DLGAP1: variants seen among roughly 807,000 people sequenced by gnomAD.
DLGAP1 encodes the protein DLG associated protein 1, also known as disks large-associated protein 1.
A neutral mutation model predicts 90.8 loss-of-function variants in DLGAP1; 11 were observed. That is an observed-to-expected ratio of 0.12 (90% CI 0.08 to 0.20). The LOEUF (loss-of-function observed/expected upper bound fraction) is 0.20. DLGAP1 is among the 10% of genes least tolerant of loss of function. The probability of loss-of-function intolerance (pLI) is 1.00; values close to 1 mark genes in which losing one functional copy is unlikely to be tolerated. For synonymous variants in DLGAP1, 558 were observed against 540.7 expected, an observed-to-expected ratio of 1.03 and a Z score of -0.44; for missense variants, 1,050 against 1,333.8, an observed-to-expected ratio of 0.79 and a Z score of 3.31.
At position 3,535,580 on chromosome 18, in the gene DLGAP1, C is replaced by T. The variant is rs553496758; in HGVS notation, c.2058-965G>A. Among the ~76,000 whole-genome samples the T allele has an allele frequency of 4.6e-5, 7 of 151,900 alleles. No homozygotes were observed. In the South Asian group the frequency reaches 1.0e-3, roughly 23 times the overall value. The stretch of plus-strand genomic sequence containing the variant: ...AACATTAGTCGGGCGTGGTGGTGGG[C>T]ACCTGTGGTCCCAGCTACTTGGGAG... On this transcript the variant is annotated intron_variant, in intron 9 of 12. Transcript: ENST00000315677.
At chr18:3,524,948 T>C (rs1283719429) in intron 10 of DLGAP1, among the ~76,000 whole-genome samples, 1 of 152,212 alleles carries the variant, frequency 6.6e-6, no homozygotes, top group Non-Finnish European at 1.5e-5. Flanking sequence ...TGACTGGCAG[T>C]TGCTGATCTG....
intron 1 of DLGAP1, among the ~76,000 whole-genome samples, chr18:4,188,299 G>A (rs1237248603): frequency 2.0e-5 from 3 of 151,940 alleles, no homozygotes; most frequent in African/African-American, 7.3e-5. Context: ...AATATGTTAG[G>A]CAATATTATT....
At chr18:4,369,296 C>CGT (rs35537864) in intron 1 of DLGAP1, among the ~76,000 whole-genome samples, 47 of 151,722 alleles carry the variant, frequency 3.1e-4, no homozygotes, top group African/African-American at 1.1e-3. Flanking sequence ...TATGAGTGTG[C>CGT]GTGTGTGTGT....
chr18:3,753,160 A>T (rs1039136861), intron 5 of DLGAP1, among the ~76,000 whole-genome samples: 1 of 152,186 alleles, frequency 6.6e-6, no homozygotes, highest in Non-Finnish European at 1.5e-5. Context: ...TAAGTAACCA[A>T]AGGCAGGGAA....
chr18:4,360,785 C>T lies in DLGAP1; in HGVS notation c.-267+94221G>A, dbSNP rs113453272. Among the ~76,000 whole-genome samples, 1,113 of 152,202 alleles carry T rather than the reference C, an allele frequency of 7.3e-3. 14 individuals carry two copies. The highest frequency in any genetic ancestry group is 0.025 in the African/African-American group (1,057 of 41,546). On this transcript the variant is annotated intron_variant, in intron 1 of 12. Coordinates refer to ENST00000315677, the MANE Select transcript of DLGAP1 (RefSeq NM_004746.4). ...CCTAAGGTCAGGAGTTCGAGACCAG[C>T]CTAGCCAACATGGCAAAACCCTGTC...
chr18:4,322,710 C>T (rs2080721655), intron 1 of DLGAP1, among the ~76,000 whole-genome samples: 1 of 151,912 alleles, frequency 6.6e-6, no homozygotes, highest in African/African-American at 2.4e-5. Context: ...GCGTGTAATC[C>T]CAGCACTTTG....
At chr18:4,366,580 G>GA (rs530741949) in intron 1 of DLGAP1, among the ~76,000 whole-genome samples, 251 of 144,648 alleles carry the variant, frequency 1.7e-3, no homozygotes, top group Non-Finnish European at 2.8e-3. Flanking sequence ...GGAATATTCA[G>GA]AAAAAAAAAA....
At chr18:4,294,315 C>T (rs1166520334) in intron 1 of DLGAP1, 2 of 152,266 alleles carry the variant, frequency 1.3e-5, no homozygotes, top group African/African-American at 4.8e-5. Context: ...ACCCCAATGT[C>T]ACCACCTCCT....
chr18:3,741,023 C>T (rs868694392), intron 6 of DLGAP1, among the ~76,000 whole-genome samples: 17 of 121,570 alleles, frequency 1.4e-4, no homozygotes, highest in Non-Finnish European at 1.8e-4. Flanking sequence ...ACCATCACCA[C>T]CACCACCACC....
rs2083923680 is a variant in DLGAP1 at position 4,454,575 on chromosome 18, T to C, written c.-267+431A>G. Among the ~76,000 whole-genome samples, 3 of 152,060 alleles carry C rather than the reference T, an allele frequency of 2.0e-5. No individual in the cohort carries two copies. In the South Asian group the frequency reaches 6.2e-4, roughly 32 times the overall value. On this transcript the variant is annotated intron_variant, in intron 1 of 12. Transcript: ENST00000315677. The surrounding 1 kb of genome is among the most constrained non-coding windows in gnomAD (Gnocchi z 4.7). The stretch of plus-strand genomic sequence containing the variant: ...ACCCAGGAGCCTGCCGAGAAAGCCC[T>C]GCGGGGAGCAGCCCCCTCCTCCCCT...
At chr18:3,776,614 C>T (rs996577970) in intron 5 of DLGAP1, among the ~76,000 whole-genome samples, 32 of 152,120 alleles carry the variant, frequency 2.1e-4, no homozygotes, top group Admixed American at 7.2e-4. Context: ...TCTCCTCACC[C>T]CCTGCCTTCC....
chr18:4,274,162 C>T (rs528599301), intron 1 of DLGAP1, among the ~76,000 whole-genome samples: 1 of 151,940 alleles, frequency 6.6e-6, no homozygotes, highest in African/African-American at 2.4e-5. Context: ...TATAACTTTC[C>T]CTCTAAGTAA....
chr18:3,635,410 A>G (rs2058681322), intron 7 of DLGAP1, among the ~76,000 whole-genome samples: 1 of 151,278 alleles, frequency 6.6e-6, no homozygotes, highest in Admixed American at 6.6e-5. Context: ...AAGTGCTGGG[A>G]TTACAGGCGT....
At chr18:3,936,101 C>T (rs1310041624) in intron 3 of DLGAP1, among the ~76,000 whole-genome samples, 1 of 152,178 alleles carries the variant, frequency 6.6e-6, no homozygotes, top group Non-Finnish European at 1.5e-5. Context: ...GACAGGGGTA[C>T]AGGCTGAACC....
intron 1 of DLGAP1, among the ~76,000 whole-genome samples, chr18:4,446,716 T>C (rs987112229): frequency 6.6e-6 from 1 of 152,154 alleles, no homozygotes; most frequent in Middle Eastern, 3.2e-3. Context: ...AAACATAATC[T>C]TTTCATCCAG....
intron 7 of DLGAP1, among the ~76,000 whole-genome samples, chr18:3,641,586 T>TAC (rs61136246): frequency 0.043 from 5,773 of 135,334 alleles, 259 homozygotes; most frequent in East Asian, 0.19. Context: ...CATATATATA[T>TAC]ACACACACAC....
intron 2 of DLGAP1, among the ~76,000 whole-genome samples, chr18:4,037,132 A>G (rs1158474380): frequency 6.6e-6 from 1 of 152,226 alleles, no homozygotes; most frequent in East Asian, 1.9e-4. Flanking sequence ...CAGAAGATGA[A>G]GAGAGTTGAG....
At chr18:4,300,023 C>T (rs181424218) in intron 1 of DLGAP1, among the ~76,000 whole-genome samples, 1 of 152,234 alleles carries the variant, frequency 6.6e-6, no homozygotes, top group East Asian at 1.9e-4. Flanking sequence ...CTCATCTGTA[C>T]TAACAAATTT....
intron 2 of DLGAP1, among the ~76,000 whole-genome samples, chr18:4,079,033 T>C (rs1409261502): frequency 6.6e-6 from 1 of 152,156 alleles, no homozygotes; most frequent in African/African-American, 2.4e-5. Flanking sequence ...GAAAAAACCA[T>C]TATCATTGGC....
Sources: allele counts gnomAD v4.1 joint callset (sites outside exome capture counted in the v4.1 genomes callset), GRCh38; gene constraint gnomAD v4.1.1; non-coding constraint Gnocchi (gnomAD v3.1); transcripts MANE v1.5; gene names NCBI Gene and HGNC (gene_info 2026-07-23, HGNC 2026-07-21).